ARL15: variants seen among roughly 807,000 people sequenced by gnomAD.
ARL15 encodes ARF like GTPase 15.
ARL15 carries 19 observed loss-of-function variants against 25.2 expected under a neutral mutation model. That is an observed-to-expected ratio of 0.75 (90% CI 0.53 to 1.10). ARL15 has a LOEUF of 1.10. Among genes scored for constraint, ARL15 ranks in the 50% least tolerant of loss-of-function variants. The pLI, the probability that ARL15 is intolerant of heterozygous loss-of-function variation, is 0.00. For synonymous variants in ARL15, 94 were observed against 86.8 expected (o/e 1.08, Z -0.46); for missense variants, 220 against 246.0 (o/e 0.89, Z 0.71).
At chr5:54,157,563 C>G (rs979279627) in intron 2 of ARL15, among the ~76,000 whole-genome samples, 6 of 152,102 alleles carry the variant, frequency 3.9e-5, no homozygotes, top group South Asian at 2.1e-4. Flanking sequence ...AGGCACCCAC[C>G]ACCACGCCCA....
At chr5:54,054,744 C>T (rs1323975615) in intron 4 of ARL15, among the ~76,000 whole-genome samples, 2 of 152,022 alleles carry the variant, frequency 1.3e-5, no homozygotes, top group African/African-American at 2.4e-5. Context: ...GAGCCAAGAT[C>T]GCGCCACTGC....
At chr5:54,252,366 G>A (rs1386447146) in intron 1 of ARL15, among the ~76,000 whole-genome samples, 3 of 152,194 alleles carry the variant, frequency 2.0e-5, no homozygotes, top group African/African-American at 7.2e-5. Context: ...CATCAAGAAA[G>A]TTCTGAAGTC....
At position 54,154,625 on chromosome 5, in the gene ARL15, C is replaced by G; in HGVS notation, c.208G>C (p.Ala70Pro). The G allele has an allele frequency of 6.6e-7, 1 of 1,519,600 alleles. No individual in the cohort carries two copies. 94.1% of individuals were successfully genotyped at this position (1,519,600 alleles called of 1,614,324 possible). A position where few individuals can be genotyped will look rare whatever the true frequency, so the allele number is the denominator to read the frequency against. Residue 70 changes from alanine to proline, a missense_variant, in exon 3 of 5, where the codon GCA (alanine) becomes CCA (proline). Ala to Pro is a conservative substitution (Grantham distance 27). Coordinates refer to ENST00000504924, the MANE Select transcript of ARL15 (RefSeq NM_019087.3). ...AAGATGGCATTCTGGAATGGCACTG[C>G]TTTAATACTAAAACCTAAAATTAGA... ...VVSTTGFSIKAVPFQNAILNV... is the reference protein window; with the variant it reads ...VVSTTGFSIKPVPFQNAILNV...
chr5:53,995,233 G>T (rs193131720), intron 4 of ARL15, among the ~76,000 whole-genome samples: 1 of 150,060 alleles, frequency 6.7e-6, no homozygotes, highest in African/African-American at 2.5e-5. Flanking sequence ...GCTTGAACCC[G>T]GGAAGTGGAG....
In ARL15 at chr5:53,886,470, C is replaced by G; in HGVS notation, c.*91G>C. The G allele has an allele frequency of 7.3e-7, 1 of 1,375,142 alleles. No homozygotes were observed. Among genetic ancestry groups the G allele is most frequent in the East Asian group, 2.5e-5 (1 of 39,774 alleles). The allele number at this position is 1,375,142 out of a possible 1,614,324, so 85.2% of individuals were successfully genotyped here. ...ACCAGAGGAAAATAGATACTGAAGC[C>G]AATATAGTCTTGATACCAAAATAAA... On this transcript the variant is annotated 3_prime_UTR_variant, in exon 5 of 5. Coordinates refer to ENST00000504924, the MANE Select transcript of ARL15 (RefSeq NM_019087.3).
intron 4 of ARL15, among the ~76,000 whole-genome samples, chr5:53,919,496 C>A (rs1745773996): frequency 6.6e-6 from 1 of 152,030 alleles, no homozygotes; most frequent in Non-Finnish European, 1.5e-5. Context: ...AAAAGATCAG[C>A]CTAGTGCTTT....
chr5:53,902,842 G>A (rs1745116345), intron 4 of ARL15, among the ~76,000 whole-genome samples: 1 of 152,152 alleles, frequency 6.6e-6, no homozygotes, highest in African/African-American at 2.4e-5. Context: ...AGAAAAAACA[G>A]GAAAGCATGG....
chr5:54,041,231 A>T (rs1479867006), intron 4 of ARL15, among the ~76,000 whole-genome samples: 1 of 152,232 alleles, frequency 6.6e-6, no homozygotes, highest in Non-Finnish European at 1.5e-5. Flanking sequence ...TAAATCTCTT[A>T]TTGCTAAAAC....
At chr5:54,248,749 C>A (rs1196474484) in intron 1 of ARL15, among the ~76,000 whole-genome samples, 1 of 152,184 alleles carries the variant, frequency 6.6e-6, no homozygotes, top group African/African-American at 2.4e-5. Flanking sequence ...GTTGGTCTTG[C>A]TCATCTCTGA....
At chr5:54,185,226 CCGG>C (rs1403121797) in intron 1 of ARL15, among the ~76,000 whole-genome samples, 1 of 152,192 alleles carries the variant, frequency 6.6e-6, no homozygotes, top group Non-Finnish European at 1.5e-5. Flanking sequence ...CATTCTCTTT[CCGG>C]CTCCATGTCA....
chr5:54,310,388 G>A, intron 1 of ARL15, 44 bp downstream of exon 1: 1 of 1,590,046 alleles, frequency 6.3e-7, no homozygotes, highest in African/African-American at 1.3e-5. Flanking sequence ...CATCGGGCAC[G>A]CCGAGATCCG....
Position 54,297,983 on chromosome 5 carries a change from G to A in ARL15, c.48+12449C>T, listed in dbSNP as rs10471889. On this transcript the variant is annotated intron_variant, in intron 1 of 4. Transcript: ENST00000504924. ...TTTTTAGTAGAGACGGGGTTTCACC[G>A]TGTTAGCCAGGATGGTCTCGATCTC... 4.7e-3 allele frequency among the ~76,000 whole-genome samples: 715 copies of A among 152,116 alleles called. 2 individuals carry two copies. Among genetic ancestry groups the A allele is most frequent in the South Asian group, 9.3e-3 (45 of 4,820 alleles).
At chr5:54,026,515 C>T (rs1303764503) in intron 4 of ARL15, among the ~76,000 whole-genome samples, 1 of 152,176 alleles carries the variant, frequency 6.6e-6, no homozygotes, top group Non-Finnish European at 1.5e-5. Flanking sequence ...AGTGATCCTC[C>T]CACCTCAGCC....
Position 53,944,096 on chromosome 5 carries a change from A to C in ARL15, c.463-57383T>G, listed in dbSNP as rs183106951. On this transcript the variant is annotated intron_variant, in intron 4 of 4. Transcript: ENST00000504924. ...ATTAAGATCCTTCTAGGGATCTTAC[A>C]GGGCCTTAGAACTACATGGTAAACA... 2.6e-5 allele frequency among the ~76,000 whole-genome samples: 4 copies of C among 152,298 alleles called. No individual in the cohort carries two copies. In the East Asian group the frequency reaches 7.7e-4, roughly 29 times the overall value.
chr5:53,946,681 G>A (rs1431008791), intron 4 of ARL15, among the ~76,000 whole-genome samples: 1 of 152,030 alleles, frequency 6.6e-6, no homozygotes, highest in East Asian at 1.9e-4. Context: ...AAAGTTAGGT[G>A]GCCAAAATCC....
chr5:54,178,425 C>T (rs1017917356), intron 1 of ARL15, among the ~76,000 whole-genome samples: 2 of 152,150 alleles, frequency 1.3e-5, no homozygotes, highest in East Asian at 1.9e-4. Context: ...CTGGTCTCGC[C>T]AGACAGAAAC....
At chr5:53,965,110 T>C (rs1342005227) in intron 4 of ARL15, among the ~76,000 whole-genome samples, 1 of 152,230 alleles carries the variant, frequency 6.6e-6, no homozygotes, top group Non-Finnish European at 1.5e-5. Context: ...TAATCTTGAC[T>C]CTAGAGAGAT....
rs1395888462 is a variant in ARL15, at chr5:53,886,524, T to C, written c.*37A>G. On this transcript the variant is annotated 3_prime_UTR_variant, in exon 5 of 5. Coordinates refer to ENST00000504924, the MANE Select transcript of ARL15 (RefSeq NM_019087.3). ...AAAATGAGAAACTAACATGATAGGT[T>C]CAAGGCCTTTTGGGAGCCTGTTTTC... is the stretch of plus-strand genomic sequence containing the variant. The C allele has an allele frequency of 6.5e-7, 1 of 1,544,628 alleles. No homozygotes were observed. Among genetic ancestry groups the C allele is most frequent in the Non-Finnish European group, 8.7e-7 (1 of 1,145,382 alleles).
intron 1 of ARL15, among the ~76,000 whole-genome samples, chr5:54,245,723 G>A (rs6872062): frequency 0.62 from 94,003 of 151,840 alleles, 29,916 homozygotes; most frequent in Non-Finnish European, 0.69. Flanking sequence ...AAGTAGCTGG[G>A]ATTACAGACA....
Sources: gnomAD v4.1 joint callset for allele counts (sites outside exome capture counted in the v4.1 genomes callset) on GRCh38, gnomAD v4.1.1 for gene constraint, MANE v1.5 for transcripts, NCBI Gene and HGNC (gene_info 2026-07-23, HGNC 2026-07-21) for gene names.